Variants in RNF144A observed in about 807,000 individuals in gnomAD.
RNF144A encodes ring finger protein 144A, also known as E3 ubiquitin-protein ligase RNF144A.
RNF144A carries 11 observed loss-of-function variants against 38.7 expected under a neutral mutation model. That is an observed-to-expected ratio of 0.28 (90% CI 0.18 to 0.47). The LOEUF (loss-of-function observed/expected upper bound fraction) is 0.47. Among genes scored for constraint, RNF144A ranks in the 20% least tolerant of loss-of-function variants. The pLI is 0.99. For synonymous variants in RNF144A, 149 were observed against 143.9 expected (o/e 1.04, Z -0.25); for missense variants, 316 against 377.2 (o/e 0.84, Z 1.34).
intron 2 of RNF144A, among the ~76,000 whole-genome samples, chr2:6,979,832 G>C (rs1668524767): frequency 6.6e-6 from 1 of 152,166 alleles, no homozygotes; most frequent in Non-Finnish European, 1.5e-5. Context: ...TAATGTATTA[G>C]TTCATTTTCA....
chr2:6,956,247 G>A (rs1666986382), intron 2 of RNF144A, among the ~76,000 whole-genome samples: 2 of 150,804 alleles, frequency 1.3e-5, no homozygotes, highest in South Asian at 2.1e-4. Flanking sequence ...TTTTTTTTTC[G>A]GGGGGTGGGG....
chr2:6,921,914 G>A, intron 1 of RNF144A, among the ~76,000 whole-genome samples: 1 of 152,176 alleles, frequency 6.6e-6, no homozygotes, highest in East Asian at 1.9e-4. Context: ...AGCACACAGG[G>A]CCGAGCTCCC....
chr2:6,954,496 AT>A (rs1484675118), intron 2 of RNF144A, among the ~76,000 whole-genome samples: 7 of 152,172 alleles, frequency 4.6e-5, no homozygotes, highest in Non-Finnish European at 8.8e-5. Flanking sequence ...GGCTTTAGTT[AT>A]TTTCTGCTGG....
chr2:6,927,738 A>G (rs771292), intron 1 of RNF144A, among the ~76,000 whole-genome samples: 125,419 of 152,214 alleles, frequency 0.82, 52,726 homozygotes, highest in Non-Finnish European at 0.92. Flanking sequence ...ATTGTTATAT[A>G]GATTGTATGT....
Position 6,941,247 on chromosome 2 carries a change from G to T in RNF144A, c.-12+100G>T, listed in dbSNP as rs1665954179. ...TGGAAAAGATAGTAGGCCTGCCTGGGTGGATTTTTCTATACCTGTTAAGCC... is the reference window on the plus strand; with the variant it reads ...TGGAAAAGATAGTAGGCCTGCCTGGTTGGATTTTTCTATACCTGTTAAGCC... On this transcript the variant is annotated intron_variant, in intron 2 of 8. Transcript: ENST00000320892. The surrounding 1 kb of genome is among the most constrained non-coding windows in gnomAD (Gnocchi z 6.5). The T allele has an allele frequency of 1.3e-5, 2 of 152,234 alleles. No homozygotes were observed. Among genetic ancestry groups the T allele is most frequent in the African/African-American group, 4.8e-5 (2 of 41,444 alleles). The allele number at this position is 152,234 out of a possible 1,614,324, so 9.4% of individuals were successfully genotyped here.
chr2:6,923,732 G>T (rs1274205771), intron 1 of RNF144A, among the ~76,000 whole-genome samples: 9 of 152,162 alleles, frequency 5.9e-5, no homozygotes, highest in East Asian at 1.9e-4. Context: ...AGGCCCAGGT[G>T]CCTGCGTTCT....
chr2:7,065,399 G>A (rs1674168609), intron 6 of RNF144A, among the ~76,000 whole-genome samples: 1 of 152,170 alleles, frequency 6.6e-6, no homozygotes, highest in Non-Finnish European at 1.5e-5. Flanking sequence ...TTTTAGAGAG[G>A]CAGGTTCCTC....
intron 6 of RNF144A, among the ~76,000 whole-genome samples, chr2:7,065,022 C>T (rs567215517): frequency 6.6e-6 from 1 of 152,272 alleles, no homozygotes; most frequent in African/African-American, 2.4e-5. Flanking sequence ...TGAGACAGCT[C>T]TGTGATAAAG....
chr2:6,939,975 C>T (rs982798292), intron 1 of RNF144A, among the ~76,000 whole-genome samples: 1 of 152,104 alleles, frequency 6.6e-6, no homozygotes, highest in Non-Finnish European at 1.5e-5. Context: ...TAAGTTTTGA[C>T]ATTAAGAAGT....
rs1347674479 is a variant in RNF144A, at chr2:7,039,894, A to G, written c.*134A>G. 4.1e-6 allele frequency: 6 copies of G among 1,449,706 alleles called. No individual in the cohort carries two copies. Among genetic ancestry groups the G allele is most frequent in the Non-Finnish European group, 4.5e-6 (5 of 1,100,866 alleles). The allele number at this position is 1,449,706 out of a possible 1,614,324, so 89.8% of individuals were successfully genotyped here. On this transcript the variant is annotated 3_prime_UTR_variant, in exon 9 of 9. Coordinates refer to ENST00000320892, the MANE Select transcript of RNF144A (RefSeq NM_014746.6). ...ATTGAGCTTCACAGTGTCAGGCTGG[A>G]CGCCGTGATTTCAGGGACCTATGTC...
chr2:6,993,314 A>G (rs986552245), intron 2 of RNF144A, among the ~76,000 whole-genome samples: 21 of 152,148 alleles, frequency 1.4e-4, no homozygotes, highest in African/African-American at 4.3e-4. Context: ...GGTGAGGGCC[A>G]TGGGCTGACC....
At chr2:6,947,516 A>G (rs999916026) in intron 2 of RNF144A, among the ~76,000 whole-genome samples, 16 of 152,334 alleles carry the variant, frequency 1.1e-4, no homozygotes, top group African/African-American at 3.4e-4. Flanking sequence ...GCCCGAGAAG[A>G]AAGTTTCTAC....
chr2:7,027,515 G>T (rs925521944), intron 7 of RNF144A, among the ~76,000 whole-genome samples: 1 of 152,220 alleles, frequency 6.6e-6, no homozygotes, highest in Non-Finnish European at 1.5e-5. Flanking sequence ...TCAGCCATCA[G>T]TCCCTGATCT....
At chr2:6,918,701 T>C (rs1208362702) in intron 1 of RNF144A, 11 of 134,386 alleles carry the variant, frequency 8.2e-5, no homozygotes. Context: ...AAGGCGGAGC[T>C]TGCAGTGAGC....
chr2:7,010,137 G>A (rs890238445), intron 3 of RNF144A, among the ~76,000 whole-genome samples: 5 of 152,210 alleles, frequency 3.3e-5, no homozygotes, highest in South Asian at 2.1e-4. Flanking sequence ...CTTGCGGAGC[G>A]TGTAAGCAAT....
intron 7 of RNF144A, among the ~76,000 whole-genome samples, chr2:7,026,989 G>T (rs1671946173): frequency 6.6e-6 from 1 of 152,200 alleles, no homozygotes; most frequent in East Asian, 1.9e-4. Flanking sequence ...TCTACTGTTG[G>T]AGCCCTTTAC....
intron 2 of RNF144A, among the ~76,000 whole-genome samples, chr2:6,964,696 C>T (rs930200876): frequency 1.1e-4 from 16 of 152,056 alleles, no homozygotes; most frequent in Non-Finnish European, 1.9e-4. Flanking sequence ...TGGAAATCAT[C>T]ATTCTCAGTA....
At chr2:6,999,250 C>T (rs115391889) in intron 3 of RNF144A, among the ~76,000 whole-genome samples, 144 of 152,284 alleles carry the variant, frequency 9.5e-4, no homozygotes, top group African/African-American at 3.2e-3. Flanking sequence ...CACCTCTGTC[C>T]GTAGCTCACT....
In RNF144A at chr2:7,040,013, G is replaced by A; in HGVS notation, c.*253G>A. The A allele has an allele frequency of 8.1e-7, 1 of 1,230,502 alleles. No homozygotes were observed. Among genetic ancestry groups the A allele is most frequent in the African/African-American group, 1.6e-5 (1 of 64,118 alleles). The allele number at this position is 1,230,502 out of a possible 1,614,324, so 76.2% of individuals were successfully genotyped here. On this transcript the variant is annotated 3_prime_UTR_variant, in exon 9 of 9. Transcript: ENST00000320892. ...GATCAATCTCTGCAGATGACAGGGA[G>A]GTGCTGTGAGAAGTGCACCAGGCAG...
Sources: allele counts gnomAD v4.1 joint callset (sites outside exome capture counted in the v4.1 genomes callset), GRCh38; gene constraint gnomAD v4.1.1; non-coding constraint Gnocchi (gnomAD v3.1); transcripts MANE v1.5; gene names NCBI Gene and HGNC (gene_info 2026-07-23, HGNC 2026-07-21).